Variants in SEPTIN14 observed in about 807,000 individuals in gnomAD.
The protein encoded by SEPTIN14 is septin 14.
SEPTIN14 carries 40 observed loss-of-function variants against 53.6 expected under a neutral mutation model. The observed-to-expected ratio is 0.75, with a 90% CI of 0.58 to 0.97. SEPTIN14 has a LOEUF of 0.97. SEPTIN14 is among the 50% of genes least tolerant of loss of function. The pLI is 0.00. For synonymous variants in SEPTIN14, 138 were observed against 166.8 expected, an observed-to-expected ratio of 0.83 and a Z score of 1.33; for missense variants, 471 against 508.2, an observed-to-expected ratio of 0.93 and a Z score of 0.70.
At chr7:55,835,275 T>C (rs1789184995) in intron 5 of SEPTIN14, among the ~76,000 whole-genome samples, 3 of 152,002 alleles carry the variant, frequency 2.0e-5, no homozygotes, top group African/African-American at 7.2e-5. Flanking sequence ...CGATCTTGGC[T>C]CACTGCAAGC....
In SEPTIN14 at chr7:55,846,498, T is replaced by C; in HGVS notation, c.175+19A>G. 6.5e-7 allele frequency: 1 copy of C among 1,545,240 alleles called. No homozygotes were observed. The highest frequency in any genetic ancestry group is 8.7e-7 in the Non-Finnish European group (1 of 1,144,334). ...GGGAAAAATGAAGGAATAATTCAAATGAGGTGTTTGACACTTACCCACACA... is the reference window on the plus strand; with the variant it reads ...GGGAAAAATGAAGGAATAATTCAAACGAGGTGTTTGACACTTACCCACACA... On this transcript the variant is annotated intron_variant, in intron 3 of 9. Transcript: ENST00000388975.
intron 2 of SEPTIN14, among the ~76,000 whole-genome samples, chr7:55,857,241 G>A (rs1444946659): frequency 6.7e-6 from 1 of 150,326 alleles, no homozygotes; most frequent in African/African-American, 2.4e-5. Context: ...GTGTGGTGGC[G>A]CATGCCTGTA....
In SEPTIN14 at chr7:55,846,524, G is replaced by T; in HGVS notation, c.168C>A (p.Leu56=). ...GAGGTGTTTGACACTTACCCACACA[G>T]AGAATATTAAAAGTGAATCCTTGTC... ...SIRQGFTFNI[L]CVGETGIGKS... is the part of the protein sequence containing the mutation. The change falls in exon 3 of 10, where the codon CTC becomes CTA. Residue 56 remains leucine (L), a synonymous_variant. Coordinates refer to ENST00000388975, the MANE Select transcript of SEPTIN14 (RefSeq NM_207366.3). 6.3e-7 allele frequency: 1 copy of T among 1,586,292 alleles called. No individual in the cohort carries two copies. Among genetic ancestry groups the T allele is most frequent in the Non-Finnish European group, 8.6e-7 (1 of 1,169,554 alleles).
intron 5 of SEPTIN14, 72 bp downstream of exon 5, chr7:55,842,870 T>A (rs1312160749): frequency 3.1e-6 from 3 of 968,210 alleles, no homozygotes; most frequent in Non-Finnish European, 4.4e-6. Context: ...ATCGCACCAC[T>A]GCACTCCAGC....
intron 6 of SEPTIN14, among the ~76,000 whole-genome samples, chr7:55,819,433 C>G (rs1584257689): frequency 6.6e-6 from 1 of 152,016 alleles, no homozygotes; most frequent in Middle Eastern, 3.4e-3. Context: ...ACTAAATATA[C>G]AAAAAATTAG....
At chr7:55,817,049 G>A (rs367954904) in intron 7 of SEPTIN14, among the ~76,000 whole-genome samples, 4 of 152,222 alleles carry the variant, frequency 2.6e-5, no homozygotes, top group South Asian at 2.1e-4. Flanking sequence ...AATGAAGTCA[G>A]TATGTCAGAG....
chr7:55,798,378 G>A lies in SEPTIN14; in HGVS notation c.1120-2286C>T, dbSNP rs147972496. 1.6e-3 allele frequency: 381 copies of A among 244,352 alleles called. 1 individual carries two copies. Among genetic ancestry groups the A allele is most frequent in the Non-Finnish European group, 2.6e-3 (329 of 124,586 alleles). The allele number at this position is 244,352 out of a possible 1,614,324, so 15.1% of individuals were successfully genotyped here. A position where few individuals can be genotyped will look rare whatever the true frequency, so the allele number is the denominator to read the frequency against. ...TTTGGGGGTGGTGGAACCTGGTAAG[G>A]GCCCACCTTCCACCATGGAGGAGGA... On this transcript the variant is annotated intron_variant, in intron 9 of 9. Transcript: ENST00000388975.
At chr7:55,844,925 T>TTA (rs1283127218) in intron 3 of SEPTIN14, among the ~76,000 whole-genome samples, 47 of 151,540 alleles carry the variant, frequency 3.1e-4, no homozygotes, top group African/African-American at 1.1e-3. Flanking sequence ...TTTTTTTTTT[T>TTA]ACTTTTATTT....
chr7:55,832,937 A>G (rs1438864843), intron 6 of SEPTIN14, among the ~76,000 whole-genome samples: 1 of 152,194 alleles, frequency 6.6e-6, no homozygotes, highest in Non-Finnish European at 1.5e-5. Context: ...CAATATATCT[A>G]TTTGACAAAT....
intron 5 of SEPTIN14, among the ~76,000 whole-genome samples, chr7:55,839,182 G>T (rs1789262823): frequency 6.6e-6 from 1 of 152,090 alleles, no homozygotes; most frequent in East Asian, 1.9e-4. Flanking sequence ...GAGGTTAGGA[G>T]TTTGAGAACA....
At chr7:55,829,137 G>A (rs1789044718) in intron 6 of SEPTIN14, among the ~76,000 whole-genome samples, 1 of 151,754 alleles carries the variant, frequency 6.6e-6, no homozygotes, top group Non-Finnish European at 1.5e-5. Flanking sequence ...CTAGCACTTT[G>A]GGAGGCCAAG....
At chr7:55,818,964 A>C (rs1788843174) in intron 7 of SEPTIN14, among the ~76,000 whole-genome samples, 163 bp downstream of exon 7, 2 of 152,248 alleles carry the variant, frequency 1.3e-5, no homozygotes, top group South Asian at 4.1e-4. Flanking sequence ...AGTAAGCATT[A>C]GTTTAAATAA....
chr7:55,839,793 C>A (rs1028292009), intron 5 of SEPTIN14, among the ~76,000 whole-genome samples: 1 of 152,070 alleles, frequency 6.6e-6, no homozygotes, highest in Non-Finnish European at 1.5e-5. Context: ...AAGCCTCAAC[C>A]CCCCAGTACC....
intron 3 of SEPTIN14, among the ~76,000 whole-genome samples, chr7:55,845,560 TA>T (rs1234257254): frequency 6.6e-6 from 1 of 152,130 alleles, no homozygotes; most frequent in Middle Eastern, 3.2e-3. Flanking sequence ...TGTCTCATCA[TA>T]AAAAAATGAT....
At chr7:55,826,080 G>A (rs868527857) in intron 6 of SEPTIN14, among the ~76,000 whole-genome samples, 4 of 150,172 alleles carry the variant, frequency 2.7e-5, no homozygotes, top group African/African-American at 7.4e-5. Context: ...CCAGCCTGGC[G>A]ACAGAGTGAG....
intron 7 of SEPTIN14, among the ~76,000 whole-genome samples, chr7:55,809,426 G>T (rs1026647584): frequency 4.7e-5 from 7 of 150,414 alleles, no homozygotes; most frequent in Non-Finnish European, 8.8e-5. Flanking sequence ...CACGATCTCG[G>T]CTCACTGCAA....
chr7:55,808,933 A>T (rs1370949666), intron 7 of SEPTIN14, among the ~76,000 whole-genome samples: 1 of 152,214 alleles, frequency 6.6e-6, no homozygotes, highest in Admixed American at 6.5e-5. Flanking sequence ...AAAGGAATAT[A>T]TATTGTTCTA....
At chr7:55,832,444 A>T (rs1305884267) in intron 6 of SEPTIN14, among the ~76,000 whole-genome samples, 1 of 152,130 alleles carries the variant, frequency 6.6e-6, no homozygotes, top group African/African-American at 2.4e-5. Flanking sequence ...TAAAAAAGTC[A>T]CTTTCACTCA....
At chr7:55,835,254 G>A (rs1050415355) in intron 5 of SEPTIN14, among the ~76,000 whole-genome samples, 2 of 151,772 alleles carry the variant, frequency 1.3e-5, no homozygotes, top group African/African-American at 4.8e-5. Context: ...AGGCTCTGGA[G>A]TGCAGTAGCG....
Sources: gnomAD v4.1 joint callset for allele counts (sites outside exome capture counted in the v4.1 genomes callset) on GRCh38, gnomAD v4.1.1 for gene constraint, MANE v1.5 for transcripts, NCBI Gene and HGNC (gene_info 2026-07-23, HGNC 2026-07-21) for gene names.